Variants in TTC21B observed in about 807,000 individuals in gnomAD.
The protein encoded by TTC21B is tetratricopeptide repeat domain 21B.
A neutral mutation model predicts 175.1 loss-of-function variants in TTC21B; 127 were observed. That is an observed-to-expected ratio of 0.73 (90% CI 0.63 to 0.84). TTC21B has a LOEUF of 0.84. Ranked by LOEUF, TTC21B falls within the 40% of genes least tolerant of loss-of-function variation. TTC21B has a pLI of 0.00. For synonymous variants in TTC21B, 524 were observed against 524.5 expected (o/e 1.00, Z 0.01); for missense variants, 1,561 against 1,558.3 (o/e 1.00, Z -0.03).
chr2:165,905,513 A>C (rs563514376), intron 19 of TTC21B, among the ~76,000 whole-genome samples: 2 of 152,258 alleles, frequency 1.3e-5, no homozygotes, highest in African/African-American at 4.8e-5. Context: ...AACACAAGAC[A>C]AAGGAGATTT....
At chr2:165,929,803 C>G (rs1686818628) in intron 9 of TTC21B, 56 bp from the exon 10 acceptor site, 1 of 1,140,698 alleles carries the variant, frequency 8.8e-7, no homozygotes, top group Non-Finnish European at 1.3e-6. Context: ...GGGATGCACT[C>G]TTCAAGCTAA....
intron 20 of TTC21B, among the ~76,000 whole-genome samples, chr2:165,901,056 C>T (rs1381293538): frequency 6.6e-6 from 1 of 151,856 alleles, no homozygotes; most frequent in East Asian, 1.9e-4. Flanking sequence ...TATATGCCAC[C>T]ATGCCTGGCT....
chr2:165,945,964 T>C (rs1244682922), intron 3 of TTC21B, among the ~76,000 whole-genome samples: 3 of 152,170 alleles, frequency 2.0e-5, no homozygotes, highest in Non-Finnish European at 2.9e-5. Flanking sequence ...TAATGAGATA[T>C]TTTGCATGCT....
intron 5 of TTC21B, 79 bp downstream of exon 5, chr2:165,943,140 G>T: frequency 6.9e-7 from 1 of 1,457,956 alleles, no homozygotes; most frequent in Non-Finnish European, 9.6e-7. Flanking sequence ...ACTTTTTTGA[G>T]CTACTTGGTT....
rs752592222 is a variant in TTC21B at position 165,917,305 on chromosome 2, TA to T, written c.1850del (p.Leu617TyrfsTer7). ...CGTCTATCAATTCAAGAAAGATCGA[TA>T]AACGATGGCTTGTATCAACTTCAGT... ...RKTEVDTSHR[L>X]SIFLELIDVH... On this transcript the variant is annotated frameshift_variant, in exon 14 of 29. Coordinates refer to ENST00000243344, the MANE Select transcript of TTC21B (RefSeq NM_024753.5). LOFTEE classifies it high-confidence loss of function. 2 of 1,614,222 alleles carry T rather than the reference TA, an allele frequency of 1.2e-6. No homozygotes were observed. The highest frequency in any genetic ancestry group is 3.3e-5 in the Admixed American group (2 of 60,030).
intron 3 of TTC21B, among the ~76,000 whole-genome samples, chr2:165,947,011 T>A (rs1311845273): frequency 1.3e-5 from 2 of 151,244 alleles, no homozygotes; most frequent in East Asian, 3.9e-4. Flanking sequence ...AATTCTTAAA[T>A]ACAATTCTAA....
chr2:165,876,351 C>G, intron 27 of TTC21B, 119 bp from the exon 28 acceptor site: 1 of 724,620 alleles, frequency 1.4e-6, no homozygotes, highest in Non-Finnish European at 2.5e-6. Flanking sequence ...GGTGAATGAA[C>G]AACCAAACTA....
At chr2:165,876,017 G>C in intron 28 of TTC21B, 148 bp downstream of exon 28, 1 of 588,066 alleles carries the variant, frequency 1.7e-6, no homozygotes, top group Non-Finnish European at 3.0e-6. Context: ...TCTAAATTTC[G>C]AACACTGATA....
intron 27 of TTC21B, among the ~76,000 whole-genome samples, chr2:165,876,594 A>G (rs1684671254): frequency 6.6e-6 from 1 of 152,216 alleles, no homozygotes; most frequent in African/African-American, 2.4e-5. Flanking sequence ...TCATTTATAC[A>G]GTACAGATTT....
chr2:165,918,596 T>C (rs1437261612), intron 13 of TTC21B, among the ~76,000 whole-genome samples: 1 of 152,112 alleles, frequency 6.6e-6, no homozygotes, highest in Non-Finnish European at 1.5e-5. Flanking sequence ...CGCCCGGCCT[T>C]CTGCAAATCT....
intron 3 of TTC21B, among the ~76,000 whole-genome samples, chr2:165,945,891 T>C (rs1449305514): frequency 6.6e-6 from 1 of 152,206 alleles, no homozygotes; most frequent in Non-Finnish European, 1.5e-5. Flanking sequence ...AAAATTAATC[T>C]TAATGTTTTA....
At chr2:165,929,084 A>C in intron 11 of TTC21B, 51 bp downstream of exon 11, 1 of 1,559,010 alleles carries the variant, frequency 6.4e-7, no homozygotes, top group Non-Finnish European at 8.8e-7. Flanking sequence ...AAGTTCTTTC[A>C]TAAAACATCA....
intron 8 of TTC21B, among the ~76,000 whole-genome samples, chr2:165,931,115 C>T (rs948081591): frequency 6.6e-6 from 1 of 152,016 alleles, no homozygotes; most frequent in Non-Finnish European, 1.5e-5. Flanking sequence ...CTAAAGTTTA[C>T]ACAATCTGAT....
At chr2:165,913,884 G>A (rs912369667) in intron 15 of TTC21B, among the ~76,000 whole-genome samples, 7 of 152,058 alleles carry the variant, frequency 4.6e-5, no homozygotes, top group Non-Finnish European at 8.8e-5. Context: ...AGGTAACTGA[G>A]TTCAGATAGA....
intron 14 of TTC21B, 63 bp from the exon 15 acceptor site, chr2:165,915,502 G>A: frequency 1.6e-6 from 2 of 1,226,106 alleles, no homozygotes; most frequent in Non-Finnish European, 2.4e-6. Context: ...ACTAGAAAGG[G>A]AGATTTTCTC....
rs1312196560 is a variant in TTC21B at position 165,915,455 on chromosome 2, TA to T, written c.1900-17del. On this transcript the variant is annotated splice_polypyrimidine_tract_variant and intron_variant, in intron 14 of 28. Coordinates refer to ENST00000243344, the MANE Select transcript of TTC21B (RefSeq NM_024753.5). ...TTGCCTCATGCTGTAAAGATGAAAT[TA>T]AAATAATCATTCTTCCAAAATAGTG... The T allele has an allele frequency of 6.3e-7, 1 of 1,579,432 alleles. No homozygotes were observed. Among genetic ancestry groups the T allele is most frequent in the African/African-American group, 1.3e-5 (1 of 74,192 alleles).
intron 25 of TTC21B, among the ~76,000 whole-genome samples, chr2:165,886,298 C>T (rs560143695): frequency 2.0e-5 from 3 of 152,116 alleles, no homozygotes; most frequent in Non-Finnish European, 4.4e-5. Context: ...TTTTTATTTG[C>T]AATTCTAGTA....
chr2:165,883,657 G>T, intron 26 of TTC21B, 137 bp downstream of exon 26: 1 of 711,658 alleles, frequency 1.4e-6, no homozygotes, highest in Non-Finnish European at 2.4e-6. Flanking sequence ...CTTGTTTCCT[G>T]ATTGTGGTAA....
At chr2:165,891,093 T>C (rs1359068463) in intron 22 of TTC21B, 105 bp from the exon 23 acceptor site, 1 of 1,000,180 alleles carries the variant, frequency 1.0e-6, no homozygotes, top group African/African-American at 1.7e-5. Context: ...ATAAAGTACA[T>C]TTTAAATATA....
Sources: gnomAD v4.1 joint callset for allele counts (sites outside exome capture counted in the v4.1 genomes callset) on GRCh38, gnomAD v4.1.1 for gene constraint, MANE v1.5 for transcripts, NCBI Gene and HGNC (gene_info 2026-07-23, HGNC 2026-07-21) for gene names.